CTNNA3: variants seen among roughly 807,000 people sequenced by gnomAD.
CTNNA3 encodes the protein catenin alpha-3.
CTNNA3 carries 76 observed loss-of-function variants against 95.7 expected under a neutral mutation model. The observed-to-expected ratio is 0.79, with a 90% CI of 0.66 to 0.96. The LOEUF (loss-of-function observed/expected upper bound fraction) is 0.96. Among genes scored for constraint, CTNNA3 ranks in the 40% least tolerant of loss-of-function variants. CTNNA3 has a pLI of 0.00. For missense variants in CTNNA3, 1,191 were observed against 1,089.8 expected (o/e 1.09, Z -1.31); for synonymous variants, 431 against 374.4 (o/e 1.15, Z -1.74).
intron 7 of CTNNA3, among the ~76,000 whole-genome samples, chr10:67,090,568 G>C (rs756965708): frequency 3.3e-5 from 5 of 152,064 alleles, no homozygotes; most frequent in Non-Finnish European, 7.4e-5. Context: ...CTAGACGAGT[G>C]ATTTTATACA....
chr10:67,682,209 C>T (rs1262360201), intron 1 of CTNNA3, among the ~76,000 whole-genome samples: 1 of 151,136 alleles, frequency 6.6e-6, no homozygotes, highest in Non-Finnish European at 1.5e-5. Flanking sequence ...CGCCTATAGT[C>T]CCAGCTACTT....
chr10:67,758,545 T>G (rs1321814922), intron 1 of CTNNA3, among the ~76,000 whole-genome samples: 1 of 152,036 alleles, frequency 6.6e-6, no homozygotes, highest in Non-Finnish European at 1.5e-5. Context: ...GGTCTGCGGA[T>G]CTAGTTGTGC....
intron 11 of CTNNA3, among the ~76,000 whole-genome samples, chr10:66,409,011 A>T (rs12782380): frequency 0.015 from 2,328 of 152,074 alleles, 22 homozygotes; most frequent in Non-Finnish European, 0.021. Flanking sequence ...ACAGTATACC[A>T]AAACAAAATT....
intron 5 of CTNNA3, among the ~76,000 whole-genome samples, chr10:67,246,240 T>C (rs564608444): frequency 6.6e-6 from 1 of 152,326 alleles, no homozygotes; most frequent in African/African-American, 2.4e-5. Context: ...TTGTTGCCAA[T>C]TTAAATATTC....
chr10:66,687,180 T>C (rs2132522616), intron 9 of CTNNA3, among the ~76,000 whole-genome samples: 1 of 152,180 alleles, frequency 6.6e-6, no homozygotes, highest in Admixed American at 6.5e-5. Context: ...ATTTCCTATC[T>C]ATATAATAAT....
At chr10:66,110,749 T>TACAG (rs1394169514) in intron 13 of CTNNA3, among the ~76,000 whole-genome samples, 2 of 152,176 alleles carry the variant, frequency 1.3e-5, no homozygotes, top group African/African-American at 4.8e-5. Flanking sequence ...GTCTTACATA[T>TACAG]ACAGTCATGT....
chr10:66,661,558 CAGA>C (rs1846266309), intron 9 of CTNNA3, among the ~76,000 whole-genome samples: 1 of 152,186 alleles, frequency 6.6e-6, no homozygotes, highest in Admixed American at 6.5e-5. Flanking sequence ...TTTCATAAGG[CAGA>C]AGAAGTAAGT....
intron 5 of CTNNA3, among the ~76,000 whole-genome samples, chr10:67,431,301 G>A (rs1846104527): frequency 6.6e-6 from 1 of 151,976 alleles, no homozygotes; most frequent in Non-Finnish European, 1.5e-5. Flanking sequence ...AATTCCCTTT[G>A]CAGTTTTCAG....
chr10:65,990,108 C>CAT (rs2078511471), intron 15 of CTNNA3, among the ~76,000 whole-genome samples: 1 of 149,644 alleles, frequency 6.7e-6, no homozygotes, highest in Non-Finnish European at 1.5e-5. Flanking sequence ...CACACACACA[C>CAT]ACCACATTTT....
In CTNNA3 at chr10:67,726,515, T is replaced by TAC. The variant is rs1317352295; in HGVS notation, c.-2+36918_-2+36919insGT. ...ATACAATATATAATATATTATATATTATATTATATTATATATATTATTATA... is the reference window on the plus strand; with the variant it reads ...ATACAATATATAATATATTATATATTACATATTATATTATATATATTATTATA... On this transcript the variant is annotated intron_variant, in intron 1 of 17. Transcript: ENST00000684154. 4.0e-3 allele frequency among the ~76,000 whole-genome samples: 268 copies of TAC among 66,486 alleles called. 4 individuals are homozygous for TAC. Among genetic ancestry groups the TAC allele is most frequent in the African/African-American group, 0.017 (252 of 14,852 alleles). The allele number at this position is 66,486 out of a possible 152,430, so 43.6% of individuals were successfully genotyped here. A position where few individuals can be genotyped will look rare whatever the true frequency, so the allele number is the denominator to read the frequency against.
chr10:67,154,801 C>T (rs921401224), intron 7 of CTNNA3, among the ~76,000 whole-genome samples: 1 of 152,138 alleles, frequency 6.6e-6, no homozygotes, highest in African/African-American at 2.4e-5. Context: ...ACTATATGCC[C>T]CCTCAATCTC....
At chr10:67,647,260 C>G (rs1839744663) in intron 2 of CTNNA3, among the ~76,000 whole-genome samples, 155 bp downstream of exon 2, 1 of 150,420 alleles carries the variant, frequency 6.6e-6, no homozygotes, top group African/African-American at 2.4e-5. Flanking sequence ...ACACACATAC[C>G]TACTTTTCAC....
intron 1 of CTNNA3, among the ~76,000 whole-genome samples, chr10:67,701,943 A>C (rs890537412): frequency 1.3e-5 from 2 of 152,186 alleles, no homozygotes; most frequent in African/African-American, 4.8e-5. Flanking sequence ...CTACCAAGCA[A>C]ATGGAAAACA....
chr10:67,305,377 T>TAA (rs1564551353), intron 5 of CTNNA3, among the ~76,000 whole-genome samples: 8 of 79,736 alleles, frequency 1.0e-4, no homozygotes, highest in African/African-American at 3.5e-4. Context: ...AAAAAAAAAA[T>TAA]TAAAAAAAAA....
rs1036348838 is a variant in CTNNA3, at chr10:66,785,171, TAAATAA to T, written c.1048-9653_1048-9648del. 1.0e-3 allele frequency among the ~76,000 whole-genome samples: 157 copies of T among 152,264 alleles called. 1 individual carries two copies. Among genetic ancestry groups the T allele is most frequent in the Admixed American group, 1.2e-3 (18 of 15,280 alleles). On this transcript the variant is annotated intron_variant, in intron 7 of 17. Coordinates refer to ENST00000433211, the MANE Select transcript of CTNNA3 (RefSeq NM_013266.4). ...GAGTTATAGAAACATCTGGATTTCA[TAAATAA>T]GCAGTCAGCTGCAGAAGAAGATATC...
In CTNNA3 at chr10:65,954,350, G is replaced by C. The variant is rs542371445; in HGVS notation, c.2400+12262C>G. ...ATTCTGTAGGTTGCCTGCTCACTCT[G>C]ATGGTAGTTTCTTTTGCTGTGCAGA... On this transcript the variant is annotated intron_variant, in intron 17 of 17. Coordinates refer to ENST00000433211, the MANE Select transcript of CTNNA3 (RefSeq NM_013266.4). 7.2e-5 allele frequency among the ~76,000 whole-genome samples: 11 copies of C among 152,302 alleles called. No individual in the cohort carries two copies. The South Asian group carries it at 2.3e-3, about 32-fold the overall frequency.
At position 67,683,102 on chromosome 10, in the gene CTNNA3, A is replaced by T. The variant is rs994718924; in HGVS notation, c.-6+12898T>A. The stretch of plus-strand genomic sequence containing the variant: ...ATAGGCAACCAACAGTGTCTATCAC[A>T]GACTATTTGATTCTTAAGATTCCTT... On this transcript the variant is annotated intron_variant, in intron 1 of 17. Transcript: ENST00000433211. 1.1e-4 allele frequency among the ~76,000 whole-genome samples: 17 copies of T among 152,244 alleles called. No homozygotes were observed. The East Asian group carries it at 3.3e-3, about 29-fold the overall frequency.
At chr10:67,089,073 TACTAC>T (rs1158935066) in intron 7 of CTNNA3, among the ~76,000 whole-genome samples, 1 of 151,980 alleles carries the variant, frequency 6.6e-6, no homozygotes, top group African/African-American at 2.4e-5. Flanking sequence ...TAAATGTAAG[TACTAC>T]ACACCATTTT....
chr10:67,183,086 T>A (rs1175752922), intron 6 of CTNNA3, among the ~76,000 whole-genome samples: 1 of 152,218 alleles, frequency 6.6e-6, no homozygotes, highest in Non-Finnish European at 1.5e-5. Flanking sequence ...TTTACACTGT[T>A]GGTGGAACTG....
Sources: gnomAD v4.1 joint callset for allele counts (sites outside exome capture counted in the v4.1 genomes callset) on GRCh38, gnomAD v4.1.1 for gene constraint, MANE v1.5 for transcripts, NCBI Gene and HGNC (gene_info 2026-07-23, HGNC 2026-07-21) for gene names.